ABCC5: variants seen among roughly 807,000 people sequenced by gnomAD.
ABCC5 encodes ATP-binding cassette sub-family C member 5.
ABCC5 carries 61 observed loss-of-function variants against 160.9 expected under a neutral mutation model. The observed-to-expected ratio is 0.38, with a 90% confidence interval of 0.31 to 0.47. The LOEUF is 0.47. ABCC5 is among the 20% of genes least tolerant of loss of function. The probability of loss-of-function intolerance (pLI) is 0.99; values close to 1 mark genes in which losing one functional copy is unlikely to be tolerated. For synonymous variants in ABCC5, 666 were observed against 700.6 expected (o/e 0.95, Z 0.78); for missense variants, 1,308 against 1,813.3 (o/e 0.72, Z 5.06).
At chr3:184,000,204 A>G (rs1030963878) in intron 2 of ABCC5, among the ~76,000 whole-genome samples, 1 of 151,820 alleles carries the variant, frequency 6.6e-6, no homozygotes, top group African/African-American at 2.4e-5. Flanking sequence ...ACAAAAAAAT[A>G]CAAAAAAGGG....
intron 5 of ABCC5, chr3:183,984,598 G>A: frequency 1.5e-6 from 2 of 1,370,290 alleles, no homozygotes; most frequent in Non-Finnish European, 1.9e-6. Context: ...CCAAGTCCCA[G>A]GAAATAACCT....
At chr3:183,957,535 C>T (rs540156412) in intron 17 of ABCC5, among the ~76,000 whole-genome samples, 205 of 143,424 alleles carry the variant, frequency 1.4e-3, no homozygotes, top group Middle Eastern at 4.6e-3. Context: ...TCTGTGTGTA[C>T]ATCACATCAG....
chr3:183,958,099 T>C (rs1175425662), intron 17 of ABCC5, among the ~76,000 whole-genome samples: 1 of 133,036 alleles, frequency 7.5e-6, no homozygotes, highest in African/African-American at 2.8e-5. Flanking sequence ...GGTACATGCT[T>C]ATCCGTGTGT....
chr3:183,998,449 T>C (rs1392463050), intron 2 of ABCC5, among the ~76,000 whole-genome samples: 1 of 152,214 alleles, frequency 6.6e-6, no homozygotes, highest in Non-Finnish European at 1.5e-5. Context: ...AGAAAATTTA[T>C]ACAAATTTAT....
At position 183,937,963 on chromosome 3, in the gene ABCC5, G is replaced by A. The variant is rs1267433447; in HGVS notation, c.3792C>T (p.Ala1264=). 22 of 1,614,010 alleles carry A rather than the reference G, an allele frequency of 1.4e-5. No individual in the cohort carries two copies. The highest frequency in any genetic ancestry group is 1.7e-5 in the Non-Finnish European group (20 of 1,180,034). Residue 1264 remains alanine (A), a synonymous_variant, in exon 26 of 30, where the codon GCC becomes GCT. Coordinates refer to ENST00000334444, the MANE Select transcript of ABCC5 (RefSeq NM_005688.4). ...DGVRISDIGL[A]DLRSKLSIIP... ...TGATAGAGAGTTTGCTTCGGAGGTC[G>A]GCAAGGCCAATATCACTGATTCTCA...
chr3:183,994,296 C>T (rs1720054813), intron 2 of ABCC5, among the ~76,000 whole-genome samples: 1 of 152,134 alleles, frequency 6.6e-6, no homozygotes. Flanking sequence ...ATTACTTGAC[C>T]ACAGTACCAT....
At chr3:183,983,970 T>A (rs1718973467) in intron 5 of ABCC5, 18 of 985,294 alleles carry the variant, frequency 1.8e-5, no homozygotes, top group Non-Finnish European at 2.0e-5. Flanking sequence ...CCATATCTGT[T>A]TCCAGAGTCC....
Position 183,949,698 on chromosome 3 carries a change from C to T in ABCC5, c.3227+55G>A. On this transcript the variant is annotated intron_variant, in intron 22 of 29. Coordinates refer to ENST00000334444, the MANE Select transcript of ABCC5 (RefSeq NM_005688.4). This position sits in a 1 kb window ranked among gnomAD's most constrained non-coding sequence, Gnocchi z 4.2. ...CTTGAAGAGCCTCCCGGACAAGTAT[C>T]AAACGCTGGGATGCTGACTCCCCTT... 2 of 1,598,008 alleles carry T rather than the reference C, an allele frequency of 1.3e-6. No individual in the cohort carries two copies. Among genetic ancestry groups the T allele is most frequent in the Non-Finnish European group, 1.7e-6 (2 of 1,171,592 alleles).
chr3:183,967,615 T>C (rs1717344825), intron 12 of ABCC5, 80 bp downstream of exon 12: 1 of 1,247,930 alleles, frequency 8.0e-7, no homozygotes, highest in Non-Finnish European at 1.2e-6. Context: ...TTCCTGACTC[T>C]CCAGGAAATT....
chr3:183,972,540 G>C (rs1717853982), intron 10 of ABCC5, among the ~76,000 whole-genome samples: 1 of 152,200 alleles, frequency 6.6e-6, no homozygotes, highest in South Asian at 2.1e-4. Context: ...AAAGGAACAG[G>C]CTTGCATGGA....
Position 183,982,575 on chromosome 3 carries a change from G to A in ABCC5, c.875C>T (p.Ala292Val). 3 of 1,614,148 alleles carry A rather than the reference G, an allele frequency of 1.9e-6. No homozygotes were observed. Among genetic ancestry groups the A allele is most frequent in the Non-Finnish European group, 2.5e-6 (3 of 1,180,030 alleles). Reference sequence around the variant, plus strand: ...TCCTCCAGCCAGCAGGCTGCCAACGGCTGCTGCCTCAAACATTCTCTGCCC... The same window carrying A: ...TCCTCCAGCCAGCAGGCTGCCAACGACTGCTGCCTCAAACATTCTCTGCCC... ...NDGQRMFEAA[A>V]VGSLLAGGPV... The change falls in exon 7 of 30, where the codon GCC becomes GTC. Residue 292 changes from alanine to valine, a missense_variant. Physicochemically the swap from Ala to Val is moderately conservative, Grantham distance 64 (BLOSUM62 0). This residue lies in a region of ABCC5 where 1,142 missense variants were observed against 1,527.1 expected (regional missense o/e 0.75). Transcript: ENST00000334444. The surrounding 1 kb of genome is among the most constrained non-coding windows in gnomAD (Gnocchi z 5.2).
At chr3:184,006,992 T>C (rs1180229907) in intron 2 of ABCC5, among the ~76,000 whole-genome samples, 2 of 149,658 alleles carry the variant, frequency 1.3e-5, no homozygotes, top group African/African-American at 4.9e-5. Context: ...GTAATAATGG[T>C]ACATGAACTT....
chr3:184,014,412 C>CA lies in ABCC5; in HGVS notation c.-21dup. 5.6e-6 allele frequency: 9 copies of CA among 1,599,106 alleles called. No homozygotes were observed. The highest frequency in any genetic ancestry group is 1.1e-5 in the South Asian group (1 of 88,396). Reference sequence around the variant, plus strand: ...CTTCATCTTCTCTGAGTGGAGGTTCCAGGGCTCACAGACTGTTAGTTTCAC... The same window carrying CA: ...CTTCATCTTCTCTGAGTGGAGGTTCCAAGGGCTCACAGACTGTTAGTTTCAC... On this transcript the variant is annotated 5_prime_UTR_variant, in exon 2 of 30. Coordinates refer to ENST00000334444, the MANE Select transcript of ABCC5 (RefSeq NM_005688.4).
chr3:183,955,021 T>C (rs997152632), intron 17 of ABCC5, among the ~76,000 whole-genome samples: 1 of 152,058 alleles, frequency 6.6e-6, no homozygotes, highest in African/African-American at 2.4e-5. Context: ...TGAAATTAGC[T>C]TGAGTGGTGG....
chr3:183,936,512 A>AT (rs529613435), intron 26 of ABCC5, among the ~76,000 whole-genome samples: 15,336 of 130,660 alleles, frequency 0.12, 2,558 homozygotes, highest in African/African-American at 0.37. Context: ...TTTTAGAATG[A>AT]TTTTTTTTTT....
intron 2 of ABCC5, among the ~76,000 whole-genome samples, chr3:184,010,863 T>C (rs1284454278): frequency 6.7e-6 from 1 of 149,038 alleles, no homozygotes; most frequent in Non-Finnish European, 1.5e-5. Flanking sequence ...AATGGCGCGA[T>C]CTTGGTTCAC....
rs908356145 is a variant in ABCC5 at position 183,988,887 on chromosome 3, C to T, written c.288-160G>A. ...ATGTTCTAAAACGGCTTTGATGGGC[C>T]GGGCGCGGTGGCTCACACCTGTAAT... On this transcript the variant is annotated intron_variant, in intron 3 of 29. Transcript: ENST00000334444. This position sits in a 1 kb window ranked among gnomAD's most constrained non-coding sequence, Gnocchi z 4.4. 6.6e-6 allele frequency among the ~76,000 whole-genome samples: 1 copy of T among 152,044 alleles called. No homozygotes were observed. The highest frequency in any genetic ancestry group is 1.5e-5 in the Non-Finnish European group (1 of 68,012).
At chr3:183,931,580 C>T (rs142902238) in intron 26 of ABCC5, among the ~76,000 whole-genome samples, 100 of 152,324 alleles carry the variant, frequency 6.6e-4, no homozygotes, top group African/African-American at 1.5e-3. Context: ...GTGATCCATC[C>T]GCCTTGGCTT....
intron 25 of ABCC5, among the ~76,000 whole-genome samples, chr3:183,940,865 T>C (rs1384531339): frequency 6.6e-6 from 1 of 151,988 alleles, no homozygotes; most frequent in East Asian, 1.9e-4. Flanking sequence ...TTATTATTAT[T>C]ATTATTATTT....
Sources: gnomAD v4.1 joint callset for allele counts (sites outside exome capture counted in the v4.1 genomes callset) on GRCh38, gnomAD v4.1.1 for gene constraint, gnomAD v4.1.1 regional missense constraint, Gnocchi (gnomAD v3.1) non-coding constraint, MANE v1.5 for transcripts, NCBI Gene and HGNC (gene_info 2026-07-23, HGNC 2026-07-21) for gene names.